The following OR1J2 variants were observed in gnomAD, a reference collection of about 807,000 sequenced individuals.
OR1J2 encodes olfactory receptor 1J2.
For missense variants in OR1J2, 304 were observed against 246.1 expected (o/e 1.24, Z -1.57); for synonymous variants, 142 against 99.7 (o/e 1.42, Z -2.52).
chr9:122,579,271 C>T, the OR1J2 span, among the ~76,000 whole-genome samples: 26,369 of 151,742 alleles, frequency 0.17, 2,464 homozygotes, highest in Middle Eastern at 0.24. Context: ...ATAATTTTAA[C>T]ATAAATTTGA....
the OR1J2 span, among the ~76,000 whole-genome samples, chr9:122,501,288 G>C: frequency 6.6e-6 from 1 of 152,060 alleles, no homozygotes; most frequent in Non-Finnish European, 1.5e-5. Flanking sequence ...TTTGTCCAAG[G>C]GTTGACAAAA....
At chr9:122,507,794 G>C (rs1828554583), upstream of OR1J2, among the ~76,000 whole-genome samples, 1 of 151,986 alleles carries the variant, frequency 6.6e-6, no homozygotes. Context: ...CTCCTCTCTG[G>C]GTAGATTTGC....
the OR1J2 span, among the ~76,000 whole-genome samples, chr9:122,531,077 T>C: frequency 0.049 from 7,402 of 152,114 alleles, 583 homozygotes; most frequent in African/African-American, 0.17. Flanking sequence ...TGAAAATTTT[T>C]TGGGGGTGGT....
At chr9:122,460,259 G>T in the OR1J2 span, among the ~76,000 whole-genome samples, 1 of 151,782 alleles carries the variant, frequency 6.6e-6, no homozygotes, top group East Asian at 1.9e-4. Flanking sequence ...ATGTGTTCAC[G>T]TCCTTGATTC....
the OR1J2 span, among the ~76,000 whole-genome samples, chr9:122,493,748 A>G: frequency 6.6e-6 from 1 of 150,616 alleles, no homozygotes; most frequent in Non-Finnish European, 1.5e-5. Flanking sequence ...GTGGGTTTGG[A>G]TTGTTCTTGT....
At chr9:122,541,618 A>G in the OR1J2 span, among the ~76,000 whole-genome samples, 2 of 152,234 alleles carry the variant, frequency 1.3e-5, no homozygotes, top group Non-Finnish European at 2.9e-5. Context: ...TGAAATGCAC[A>G]GCCCTTTATC....
chr9:122,578,325 T>A, the OR1J2 span: 1 of 152,132 alleles, frequency 6.6e-6, no homozygotes, highest in African/African-American at 2.4e-5. Context: ...GGCAGTCACC[T>A]GTAATCCCAG....
the OR1J2 span, chr9:122,527,226 T>C: frequency 6.2e-7 from 1 of 1,613,776 alleles, no homozygotes. Flanking sequence ...GAAGAGGGAC[T>C]GCTGTTGCTC....
chr9:122,504,015 AG>A, the OR1J2 span, among the ~76,000 whole-genome samples: 2 of 152,202 alleles, frequency 1.3e-5, no homozygotes, highest in Admixed American at 6.5e-5. Flanking sequence ...GCCATAGGTA[AG>A]GGCTGAGGGA....
At chr9:122,564,324 C>T in the OR1J2 span, among the ~76,000 whole-genome samples, 1 of 152,130 alleles carries the variant, frequency 6.6e-6, no homozygotes, top group Non-Finnish European at 1.5e-5. Context: ...GGTTATTTCT[C>T]CAATTCTAAT....
the OR1J2 span, among the ~76,000 whole-genome samples, chr9:122,465,255 T>C: frequency 9.4e-3 from 1,429 of 152,236 alleles, 14 homozygotes; most frequent in African/African-American, 0.033. Flanking sequence ...AGAGTGCAGA[T>C]TGCTTGCCAA....
At chr9:122,567,493 A>G in the OR1J2 span, 3 of 1,339,680 alleles carry the variant, frequency 2.2e-6, no homozygotes, top group Non-Finnish European at 3.1e-6. Context: ...AAACCAGTAG[A>G]AAACACGTCC....
At chr9:122,517,428 C>T in the OR1J2 span, among the ~76,000 whole-genome samples, 3 of 152,174 alleles carry the variant, frequency 2.0e-5, no homozygotes, top group Non-Finnish European at 4.4e-5. Context: ...ATGGTATTCT[C>T]ATATGAAATA....
chr9:122,523,049 T>A, the OR1J2 span, among the ~76,000 whole-genome samples: 1 of 152,136 alleles, frequency 6.6e-6, no homozygotes, highest in African/African-American at 2.4e-5. Flanking sequence ...GATGAAATAC[T>A]TACATGGTAG....
the OR1J2 span, among the ~76,000 whole-genome samples, chr9:122,574,914 T>G: frequency 6.6e-6 from 1 of 152,100 alleles, no homozygotes; most frequent in Admixed American, 6.5e-5. Flanking sequence ...TAGATGGGTG[T>G]TGGAGTTTGT....
downstream of OR1J2, among the ~76,000 whole-genome samples, chr9:122,514,188 T>C (rs575116326): frequency 4.6e-4 from 70 of 152,318 alleles, no homozygotes; most frequent in South Asian, 1.9e-3. Context: ...TCCAGGTTTG[T>C]TACATGGGTA....
At chr9:122,519,856 C>G in the OR1J2 span, 1 of 1,614,122 alleles carries the variant, frequency 6.2e-7, no homozygotes, top group Non-Finnish European at 8.5e-7. Flanking sequence ...AAAGCTTTGT[C>G]CACCTGTGGC....
At chr9:122,543,055 T>C in the OR1J2 span, among the ~76,000 whole-genome samples, 2 of 152,230 alleles carry the variant, frequency 1.3e-5, no homozygotes, top group Non-Finnish European at 2.9e-5. Flanking sequence ...TTATGAATAA[T>C]TGAGCTATAA....
At chr9:122,567,608 G>C in the OR1J2 span, 1 of 1,612,686 alleles carries the variant, frequency 6.2e-7, no homozygotes. Context: ...TTCTCAGGCT[G>C]TAGATAAAAG....
Sources: allele counts gnomAD v4.1 joint callset (sites outside exome capture counted in the v4.1 genomes callset), GRCh38; gene constraint gnomAD v4.1.1; transcripts MANE v1.5; gene names NCBI Gene and HGNC (gene_info 2026-07-23, HGNC 2026-07-21).